FGF14: variants seen among roughly 807,000 people sequenced by gnomAD.
FGF14 encodes the protein fibroblast growth factor 14, also known as fibroblast growth factor homologous factor 4.
FGF14 carries 5 observed loss-of-function variants against 25.5 expected under a neutral mutation model. The observed-to-expected ratio is 0.20, with a 90% CI of 0.10 to 0.41. The LOEUF is 0.41. Ranked by LOEUF, FGF14 falls within the 10% of genes least tolerant of loss-of-function variation. FGF14 has a pLI of 1.00. For missense variants in FGF14, 222 were observed against 320.1 expected (o/e 0.69, Z 2.34); for synonymous variants, 138 against 118.3 (o/e 1.17, Z -1.08).
chr13:101,821,317 C>G (rs1179596740), intron 3 of FGF14, among the ~76,000 whole-genome samples: 2 of 152,044 alleles, frequency 1.3e-5, no homozygotes, highest in Admixed American at 1.3e-4. Flanking sequence ...TGTCTGGTTT[C>G]TTTTTCTCCT....
At chr13:102,082,208 T>C (rs182962214) in intron 1 of FGF14, among the ~76,000 whole-genome samples, 1 of 151,610 alleles carries the variant, frequency 6.6e-6, no homozygotes, top group East Asian at 1.9e-4. Context: ...TATTGTGAAA[T>C]TCTATTATCT....
At chr13:101,851,192 G>A (rs1320590697) in intron 3 of FGF14, among the ~76,000 whole-genome samples, 6 of 152,036 alleles carry the variant, frequency 3.9e-5, no homozygotes, top group Non-Finnish European at 5.9e-5. Context: ...GAGGGACAAT[G>A]AACACAGAGA....
At chr13:101,963,725 C>T (rs914530049) in intron 1 of FGF14, among the ~76,000 whole-genome samples, 5 of 152,168 alleles carry the variant, frequency 3.3e-5, no homozygotes, top group African/African-American at 1.2e-4. Context: ...ATTCTGTGTT[C>T]ACAATGAATT....
intron 3 of FGF14, among the ~76,000 whole-genome samples, chr13:101,804,004 T>C (rs760214548): frequency 6.6e-6 from 1 of 151,008 alleles, no homozygotes; most frequent in Non-Finnish European, 1.5e-5. Context: ...GGAAAGGGCA[T>C]AAGATCAAGT....
chr13:101,998,997 C>T (rs2039335847), intron 1 of FGF14, among the ~76,000 whole-genome samples: 1 of 152,134 alleles, frequency 6.6e-6, no homozygotes, highest in Admixed American at 6.6e-5. Context: ...AGAGGTTCAC[C>T]TATTTATTAA....
At chr13:102,061,105 G>A (rs1282927936) in intron 1 of FGF14, among the ~76,000 whole-genome samples, 1 of 152,216 alleles carries the variant, frequency 6.6e-6, no homozygotes, top group Non-Finnish European at 1.5e-5. Context: ...TCCATCGGCT[G>A]AGAGCTACTT....
chr13:101,798,691 T>C lies in FGF14; in HGVS notation c.408+70034A>G, dbSNP rs563688121. Among the ~76,000 whole-genome samples, 43 of 152,222 alleles carry C rather than the reference T, an allele frequency of 2.8e-4. 2 individuals are homozygous for C. The South Asian group carries it at 8.9e-3, about 32-fold the overall frequency. On this transcript the variant is annotated intron_variant, in intron 3 of 4. Coordinates refer to ENST00000376143, the MANE Select transcript of FGF14 (RefSeq NM_004115.4). ...GTGTACATCTTGCGAGTTGCCATTT[T>C]AAGGGCTGTGTGGAATCATGGGTTG...
At chr13:102,286,075 C>T (rs1208197321) in intron 1 of FGF14, among the ~76,000 whole-genome samples, 1 of 152,176 alleles carries the variant, frequency 6.6e-6, no homozygotes, top group East Asian at 1.9e-4. Flanking sequence ...AAATAGGTCT[C>T]ATTGTTCACA....
chr13:102,161,798 C>T (rs1171806431), intron 1 of FGF14, among the ~76,000 whole-genome samples: 10 of 149,766 alleles, frequency 6.7e-5, no homozygotes, highest in South Asian at 4.2e-4. Context: ...TTCATCATTG[C>T]GTTCCCAATA....
intron 1 of FGF14, among the ~76,000 whole-genome samples, chr13:102,045,434 A>G (rs1413348336): frequency 6.6e-6 from 1 of 152,198 alleles, no homozygotes; most frequent in Non-Finnish European, 1.5e-5. Flanking sequence ...ATGGCACAGA[A>G]GGCTGTGGTA....
intron 4 of FGF14, among the ~76,000 whole-genome samples, chr13:101,724,778 T>C (rs1456463788): frequency 6.6e-6 from 1 of 151,364 alleles, no homozygotes; most frequent in Non-Finnish European, 1.5e-5. Context: ...TGTGATAATC[T>C]CTGTCGTTAT....
intron 1 of FGF14, among the ~76,000 whole-genome samples, chr13:102,167,794 CTTT>C (rs11330328): frequency 9.9e-4 from 143 of 143,976 alleles, no homozygotes; most frequent in Admixed American, 1.7e-3. Context: ...CATGCTAGCT[CTTT>C]TTTTTTTTTT....
At chr13:101,951,272 C>G (rs917124072) in intron 1 of FGF14, among the ~76,000 whole-genome samples, 12 of 152,004 alleles carry the variant, frequency 7.9e-5, no homozygotes, top group African/African-American at 2.7e-4. Flanking sequence ...TAGAAGGTTG[C>G]ACTATGAAAG....
intron 1 of FGF14, among the ~76,000 whole-genome samples, chr13:101,961,553 C>A (rs748247505): frequency 9.9e-5 from 15 of 151,914 alleles, no homozygotes; most frequent in Non-Finnish European, 1.8e-4. Flanking sequence ...CTGTGATATG[C>A]TTTGGCTCTG....
chr13:102,282,147 A>G (rs1033877637), intron 1 of FGF14, among the ~76,000 whole-genome samples: 5 of 150,878 alleles, frequency 3.3e-5, no homozygotes, highest in African/African-American at 1.2e-4. Flanking sequence ...GCTCACCGCA[A>G]CCTCTGCCTC....
chr13:101,925,601 T>C (rs2139199381), intron 1 of FGF14, among the ~76,000 whole-genome samples: 1 of 152,358 alleles, frequency 6.6e-6, no homozygotes, highest in East Asian at 1.9e-4. Flanking sequence ...TGCATGCATG[T>C]AGGAAATGTT....
At chr13:102,292,210 A>G (rs1249079739) in intron 1 of FGF14, 2 of 151,350 alleles carry the variant, frequency 1.3e-5, no homozygotes, top group Non-Finnish European at 2.9e-5. Flanking sequence ...AGAAATTGAC[A>G]AAAACTGACA....
intron 3 of FGF14, among the ~76,000 whole-genome samples, chr13:101,734,619 T>A (rs187041062): frequency 2.0e-5 from 3 of 152,308 alleles, no homozygotes; most frequent in Admixed American, 2.0e-4. Flanking sequence ...TTCAACTGTG[T>A]TGCCTCAATA....
intron 1 of FGF14, among the ~76,000 whole-genome samples, chr13:102,349,114 T>G (rs2057198412): frequency 6.6e-6 from 1 of 152,074 alleles, no homozygotes; most frequent in African/African-American, 2.4e-5. Flanking sequence ...TGCTAAACAT[T>G]CGGCAATTCA....
Sources: gnomAD v4.1 joint callset for allele counts (sites outside exome capture counted in the v4.1 genomes callset) on GRCh38, gnomAD v4.1.1 for gene constraint, MANE v1.5 for transcripts, NCBI Gene and HGNC (gene_info 2026-07-23, HGNC 2026-07-21) for gene names.